ESR1: variants seen among roughly 807,000 people sequenced by gnomAD.
ESR1 encodes the protein estrogen receptor.
ESR1 carries 12 observed loss-of-function variants against 52.7 expected under a neutral mutation model. The ratio of observed to expected loss-of-function variants is 0.23; its 90% CI spans 0.15 to 0.37. The LOEUF is 0.37. Ranked by LOEUF, ESR1 falls within the 10% of genes least tolerant of loss-of-function variation. The pLI, the probability that ESR1 is intolerant of heterozygous loss-of-function variation, is 1.00. For missense variants in ESR1, 584 were observed against 779.7 expected, an observed-to-expected ratio of 0.75 and a Z score of 2.99; for synonymous variants, 305 against 316.8, an observed-to-expected ratio of 0.96 and a Z score of 0.39.
chr6:152,088,048 A>C (rs2049882170), intron 6 of ESR1, among the ~76,000 whole-genome samples: 1 of 152,202 alleles, frequency 6.6e-6, no homozygotes, highest in African/African-American at 2.4e-5. Flanking sequence ...TCCTTTGACT[A>C]CTCTTAAATG....
intron 2 of ESR1, among the ~76,000 whole-genome samples, chr6:151,859,493 T>C (rs1162902545): frequency 6.6e-6 from 1 of 152,194 alleles, no homozygotes; most frequent in Non-Finnish European, 1.5e-5. Flanking sequence ...CTTGGCTAAC[T>C]GCAAACATGG....
In ESR1 at chr6:152,099,079, C is replaced by G. The variant is rs2050865338; in HGVS notation, c.*113C>G. ...ATACACTCCGGCATGCATCCAACAC[C>G]AATGGCTTTCTAGATGAGTGGCCAT... On this transcript the variant is annotated 3_prime_UTR_variant, in exon 8 of 8. Transcript: ENST00000206249. 2.5e-6 allele frequency: 2 copies of G among 801,450 alleles called. No individual in the cohort carries two copies. Among genetic ancestry groups the G allele is most frequent in the African/African-American group, 3.4e-5 (2 of 59,278 alleles). The allele number at this position is 801,450 out of a possible 1,614,324, so 49.6% of individuals were successfully genotyped here.
intron 3 of ESR1, among the ~76,000 whole-genome samples, chr6:151,892,876 A>G (rs1360113896): frequency 6.6e-6 from 1 of 152,176 alleles, no homozygotes; most frequent in East Asian, 1.9e-4. Context: ...TGAAGAGCAG[A>G]GGGAGTTGTT....
intron 1 of ESR1, among the ~76,000 whole-genome samples, chr6:151,698,662 T>A (rs1049499137): frequency 2.6e-5 from 4 of 152,040 alleles, no homozygotes; most frequent in African/African-American, 9.7e-5. Flanking sequence ...AGCAACAATT[T>A]AAAAAGAAAA....
intron 1 of ESR1, among the ~76,000 whole-genome samples, chr6:151,683,683 AG>A (rs1778540052): frequency 6.6e-6 from 1 of 151,746 alleles, no homozygotes; most frequent in Non-Finnish European, 1.5e-5. Context: ...ATTAGTTATC[AG>A]GTTGTCATAC....
At chr6:151,994,477 C>T (rs756821582) in intron 4 of ESR1, among the ~76,000 whole-genome samples, 1 of 152,134 alleles carries the variant, frequency 6.6e-6, no homozygotes, top group African/African-American at 2.4e-5. Context: ...CACATATATA[C>T]TCATTAAAAA....
At chr6:151,762,751 G>T (rs2128098656) in intron 2 of ESR1, among the ~76,000 whole-genome samples, 1 of 152,228 alleles carries the variant, frequency 6.6e-6, no homozygotes, top group East Asian at 1.9e-4. Flanking sequence ...ATCACTTGAG[G>T]TCAGGGGTTC....
intron 1 of ESR1, among the ~76,000 whole-genome samples, chr6:151,830,705 G>A (rs1018435695): frequency 6.6e-6 from 1 of 152,076 alleles, no homozygotes; most frequent in Non-Finnish European, 1.5e-5. Context: ...AGACTAAATG[G>A]GTTTTTAGGG....
intron 6 of ESR1, among the ~76,000 whole-genome samples, chr6:152,066,504 GTCACA>G (rs2047977630): frequency 6.6e-6 from 1 of 152,188 alleles, no homozygotes; most frequent in South Asian, 2.1e-4. Flanking sequence ...GCCCATTGTT[GTCACA>G]TTGGAGAAGA....
At chr6:152,026,573 AAC>A (rs2044162749) in intron 5 of ESR1, among the ~76,000 whole-genome samples, 1 of 151,848 alleles carries the variant, frequency 6.6e-6, no homozygotes, top group African/African-American at 2.4e-5. Flanking sequence ...TATTGATACC[AAC>A]ACAGTTTAAT....
chr6:152,018,080 A>T (rs973015275), intron 5 of ESR1, among the ~76,000 whole-genome samples: 13 of 152,156 alleles, frequency 8.5e-5, no homozygotes, highest in African/African-American at 2.9e-4. Flanking sequence ...AGGAAATAGT[A>T]TTGGACAACA....
intron 3 of ESR1, among the ~76,000 whole-genome samples, chr6:151,913,767 G>T (rs989066171): frequency 6.6e-6 from 1 of 152,004 alleles, no homozygotes; most frequent in Non-Finnish European, 1.5e-5. Flanking sequence ...AGAATAACAT[G>T]TATCAGATCT....
At chr6:151,822,344 A>G (rs1280124592) in intron 1 of ESR1, among the ~76,000 whole-genome samples, 1 of 152,196 alleles carries the variant, frequency 6.6e-6, no homozygotes, top group Admixed American at 6.5e-5. Context: ...TGAAGGCCAA[A>G]ATGTATTTTC....
intron 1 of ESR1, among the ~76,000 whole-genome samples, chr6:151,837,732 G>A (rs975625517): frequency 6.6e-6 from 1 of 152,162 alleles, no homozygotes; most frequent in African/African-American, 2.4e-5. Flanking sequence ...TGGTAAACCA[G>A]TCAACTTTCT....
intron 6 of ESR1, among the ~76,000 whole-genome samples, chr6:152,109,662 G>A (rs1001586417): frequency 5.1e-4 from 77 of 152,228 alleles, no homozygotes; most frequent in African/African-American, 1.8e-3. Flanking sequence ...CTCCAGCCTG[G>A]GCAACAAGAG....
chr6:152,067,681 G>T (rs1247882900), intron 6 of ESR1, among the ~76,000 whole-genome samples: 1 of 152,096 alleles, frequency 6.6e-6, no homozygotes, highest in African/African-American at 2.4e-5. Context: ...CAAAAAGTTA[G>T]CTGGGCACGG....
chr6:151,885,603 G>A (rs886950045), intron 3 of ESR1, among the ~76,000 whole-genome samples: 1 of 152,140 alleles, frequency 6.6e-6, no homozygotes, highest in African/African-American at 2.4e-5. Context: ...GGTGGCTTAC[G>A]CCTGTAATCC....
chr6:151,896,619 T>C (rs1200131697), intron 3 of ESR1, among the ~76,000 whole-genome samples: 1 of 152,152 alleles, frequency 6.6e-6, no homozygotes, highest in Admixed American at 6.5e-5. Flanking sequence ...ATTTCATTTA[T>C]CTTTTCAAAT....
At chr6:151,695,414 T>A (rs191176056) in intron 1 of ESR1, among the ~76,000 whole-genome samples, 9 of 152,260 alleles carry the variant, frequency 5.9e-5, no homozygotes, top group Admixed American at 2.6e-4. Context: ...GAGAGCTTAG[T>A]GTGAGTAGAC....
Sources: allele counts gnomAD v4.1 joint callset (sites outside exome capture counted in the v4.1 genomes callset), GRCh38; gene constraint gnomAD v4.1.1; transcripts MANE v1.5; gene names NCBI Gene and HGNC (gene_info 2026-07-23, HGNC 2026-07-21).